TENM1: variants seen among roughly 807,000 people sequenced by gnomAD.
TENM1 encodes teneurin transmembrane protein 1, also known as teneurin-1.
Under a neutral mutation model 174.8 loss-of-function variants are expected in TENM1, and 35 were observed. The ratio of observed to expected loss-of-function variants is 0.20; its 90% confidence interval spans 0.15 to 0.27. The LOEUF is 0.27. Among genes scored for constraint, TENM1 ranks in the 10% least tolerant of loss-of-function variants. TENM1 has a pLI of 1.00. For missense variants in TENM1, 1,633 were observed against 2,130.1 expected (o/e 0.77, Z 4.59); for synonymous variants, 781 against 798.7 (o/e 0.98, Z 0.37).
the TENM1 span, among the ~76,000 whole-genome samples, chrX:124,986,151 A>G: frequency 8.9e-6 from 1 of 111,742 alleles, no homozygotes; most frequent in Admixed American, 9.5e-5. Context: ...GTATTCCCTC[A>G]TCCTTGATCC....
At chrX:124,991,373 C>T in the TENM1 span, among the ~76,000 whole-genome samples, 5 of 110,496 alleles carry the variant, frequency 4.5e-5, no homozygotes, top group African/African-American at 1.3e-4. Context: ...TTGAGGCAAG[C>T]ACATCACACC....
rs186689408 is a variant in TENM1 at position 124,627,562 on chromosome X, C to T, written c.2077+14229G>A. On this transcript the variant is annotated intron_variant, in intron 11 of 31. Coordinates refer to ENST00000422452, the Ensembl canonical transcript of TENM1. The stretch of plus-strand genomic sequence containing the variant: ...TCATGGCAGCTCAGATGCCAACTGA[C>T]AGCTTGGTGATCCCGAGCCACCTCT... Among the ~76,000 whole-genome samples the T allele has an allele frequency of 1.9e-3, 207 of 111,859 alleles. 1 individual carries two copies. The highest frequency in any genetic ancestry group is 3.5e-3 in the Non-Finnish European group (188 of 53,160).
At chrX:125,025,280 C>T in the TENM1 span, among the ~76,000 whole-genome samples, 1 of 110,140 alleles carries the variant, frequency 9.1e-6, no homozygotes, top group African/African-American at 3.3e-5. Context: ...GGTGGGGGTG[C>T]GGTTTGGCTG....
the TENM1 span, among the ~76,000 whole-genome samples, chrX:125,138,294 A>G: frequency 9.1e-6 from 1 of 109,491 alleles, no homozygotes; most frequent in Non-Finnish European, 1.9e-5. Context: ...TCGGTGGATT[A>G]GTAAGTATTT....
chrX:124,553,960 C>T (rs1213238206), intron 14 of TENM1, among the ~76,000 whole-genome samples: 3 of 110,833 alleles, frequency 2.7e-5, no homozygotes, highest in Middle Eastern at 4.2e-3. Context: ...CAAAAATTAG[C>T]TGGGGGGTGA....
the TENM1 span, among the ~76,000 whole-genome samples, chrX:125,068,753 G>C: frequency 9.0e-6 from 1 of 111,655 alleles, no homozygotes; most frequent in African/African-American, 3.3e-5. Flanking sequence ...GATTTGATCT[G>C]GGCTTTGAAG....
chrX:124,932,993 G>T (rs928083133), intron 1 of TENM1, among the ~76,000 whole-genome samples: 17 of 111,743 alleles, frequency 1.5e-4, no homozygotes, highest in African/African-American at 4.2e-4. Flanking sequence ...CCTCTGAAAG[G>T]GTTCCACAGT....
chrX:125,117,055 G>A, the TENM1 span, among the ~76,000 whole-genome samples: 1 of 108,632 alleles, frequency 9.2e-6, no homozygotes, highest in African/African-American at 3.4e-5. Flanking sequence ...AGATGCTGGA[G>A]AGGATGTGGA....
chrX:124,445,357 T>C (rs1327116196), intron 23 of TENM1, among the ~76,000 whole-genome samples: 1 of 111,368 alleles, frequency 9.0e-6, no homozygotes, highest in Non-Finnish European at 1.9e-5. Flanking sequence ...TGAAAATAGG[T>C]TGGATTGTTA....
the TENM1 span, among the ~76,000 whole-genome samples, chrX:125,163,589 G>A: frequency 3.3e-4 from 36 of 110,740 alleles, 1 homozygote; most frequent in Middle Eastern, 4.7e-3. Context: ...CTAACTCTTC[G>A]GAATATGGTT....
In TENM1 at chrX:124,381,114, T is replaced by C. The variant is rs375840344; in HGVS notation, c.7621A>G (p.Ile2541Val). The change falls in exon 32 of 32, where the codon ATA becomes GTA. Residue 2541 changes from isoleucine to valine, a missense_variant. Around this residue, in one of 4 missense-constraint regions of TENM1, gnomAD observed 807 missense variants for 1,125.3 expected, o/e 0.72. Coordinates refer to ENST00000422452, the Ensembl canonical transcript of TENM1. ...ACTCCTATAATATCAGCTGTTACTATGCCATCCTTGATGGCAAATTTTATA... is the reference window on the plus strand; with the variant it reads ...ACTCCTATAATATCAGCTGTTACTACGCCATCCTTGATGGCAAATTTTATA... The C allele has an allele frequency of 8.3e-6, 10 of 1,210,070 alleles. No homozygotes were observed. The African/African-American group carries it at 1.4e-4, about 17-fold the overall frequency.
At chrX:124,790,898 A>T (rs774577004) in intron 3 of TENM1, among the ~76,000 whole-genome samples, 25 of 111,109 alleles carry the variant, frequency 2.3e-4, no homozygotes, top group Non-Finnish European at 4.2e-4. Context: ...CAATAGAAAT[A>T]AAAAAAATAG....
intron 1 of TENM1, among the ~76,000 whole-genome samples, chrX:124,906,640 T>C (rs1603270763): frequency 8.9e-6 from 1 of 112,168 alleles, no homozygotes; most frequent in Non-Finnish European, 1.9e-5. Context: ...AAGCTTTATT[T>C]GTAAGAGCCA....
At chrX:125,053,675 A>G in the TENM1 span, among the ~76,000 whole-genome samples, 1 of 111,497 alleles carries the variant, frequency 9.0e-6, no homozygotes, top group African/African-American at 3.3e-5. Context: ...ATAAAAGATT[A>G]CTTTTTGGAA....
chrX:124,491,388 T>C (rs2047062635), intron 20 of TENM1, among the ~76,000 whole-genome samples: 1 of 111,943 alleles, frequency 8.9e-6, no homozygotes, highest in Non-Finnish European at 1.9e-5. Flanking sequence ...TCTGCATACA[T>C]GGAGCAAATC....
intron 25 of TENM1, chrX:124,412,199 C>G (rs1569529936): frequency 8.9e-6 from 1 of 112,896 alleles, no homozygotes; most frequent in Admixed American, 9.3e-5. Flanking sequence ...TACACTCACC[C>G]TTTTCCTCAG....
chrX:124,987,470 TA>T, the TENM1 span, among the ~76,000 whole-genome samples: 7 of 111,916 alleles, frequency 6.3e-5, no homozygotes, highest in Non-Finnish European at 1.3e-4. Context: ...TGTCATCACT[TA>T]AAGTGAAGGC....
intron 11 of TENM1, among the ~76,000 whole-genome samples, chrX:124,592,907 C>T (rs1294456910): frequency 2.7e-5 from 3 of 111,030 alleles, no homozygotes; most frequent in Non-Finnish European, 5.7e-5. Context: ...TATAGTTAGA[C>T]CTACAAGCCA....
At chrX:125,099,627 G>C in the TENM1 span, among the ~76,000 whole-genome samples, 1 of 111,703 alleles carries the variant, frequency 9.0e-6, no homozygotes, top group Non-Finnish European at 1.9e-5. Flanking sequence ...GAATGCTATC[G>C]GTTCCATCTC....
Sources: allele counts gnomAD v4.1 joint callset (sites outside exome capture counted in the v4.1 genomes callset), GRCh38; gene constraint gnomAD v4.1.1; regional missense constraint gnomAD v4.1.1; transcripts MANE v1.5; gene names NCBI Gene and HGNC (gene_info 2026-07-23, HGNC 2026-07-21).